Variants in S100Z observed in about 807,000 individuals in gnomAD.
The protein encoded by S100Z is protein S100-Z.
S100Z carries 11 observed loss-of-function variants against 8.5 expected under a neutral mutation model. That is an observed-to-expected ratio of 1.30 (90% CI 0.82 to 2.15). The LOEUF is 2.15. Among genes scored for constraint, S100Z ranks in the 30% most tolerant of loss-of-function variants. S100Z has a pLI of 0.00. For synonymous variants in S100Z, 34 were observed against 43.8 expected (o/e 0.78, Z 0.89); for missense variants, 126 against 117.9 (o/e 1.07, Z -0.32).
intron 2 of S100Z, among the ~76,000 whole-genome samples, chr5:76,871,046 A>G (rs1156497002): frequency 6.6e-6 from 1 of 152,186 alleles, no homozygotes; most frequent in Non-Finnish European, 1.5e-5. Context: ...AAACCTGAAC[A>G]ACTGAATTCC....
At chr5:76,947,192 C>T in the S100Z span, among the ~76,000 whole-genome samples, 1 of 151,562 alleles carries the variant, frequency 6.6e-6, no homozygotes, top group Non-Finnish European at 1.5e-5. Context: ...TTTAATCCCC[C>T]ACGTCCTGGC....
chr5:76,919,500 T>C (rs760164902), intron 4 of S100Z, among the ~76,000 whole-genome samples: 2 of 152,140 alleles, frequency 1.3e-5, no homozygotes, highest in Non-Finnish European at 2.9e-5. Context: ...GTGAGGTATC[T>C]GTTCAGGTCT....
chr5:76,910,038 C>T (rs983744741), intron 4 of S100Z, among the ~76,000 whole-genome samples: 4 of 152,194 alleles, frequency 2.6e-5, no homozygotes, highest in Non-Finnish European at 5.9e-5. Context: ...CCACTGGGAT[C>T]TCAACTCAGA....
chr5:76,932,643 C>T, the S100Z span, among the ~76,000 whole-genome samples: 152 of 152,286 alleles, frequency 1.0e-3, no homozygotes, highest in African/African-American at 3.4e-3. Flanking sequence ...TGTGATCCAC[C>T]GTGCCTGGCT....
intron 4 of S100Z, among the ~76,000 whole-genome samples, chr5:76,894,819 C>G (rs982751380): frequency 6.6e-6 from 1 of 151,982 alleles, no homozygotes; most frequent in African/African-American, 2.4e-5. Context: ...GAACCCCTGA[C>G]CTCAGGTGAT....
rs144877688 is a variant in S100Z, at chr5:76,857,248, C to A, written c.-176+7093C>A. On this transcript the variant is annotated intron_variant, in intron 1 of 4. Transcript: ENST00000317593. ...TGGAGGTTGCAGTGAGCCGAGATTG[C>A]GCCACTGCACTCCAGCCTGGGCAAC... 5.5e-3 allele frequency among the ~76,000 whole-genome samples: 837 copies of A among 151,946 alleles called. 9 individuals are homozygous for A. Among genetic ancestry groups the A allele is most frequent in the African/African-American group, 0.019 (786 of 41,416 alleles).
In S100Z at chr5:76,854,837, C is replaced by T. The variant is rs536710291; in HGVS notation, c.-176+4682C>T. 9.8e-5 allele frequency among the ~76,000 whole-genome samples: 15 copies of T among 152,378 alleles called. No homozygotes were observed. The East Asian group carries it at 2.9e-3, about 29-fold the overall frequency. On this transcript the variant is annotated intron_variant, in intron 1 of 4. Coordinates refer to ENST00000317593, the MANE Select transcript of S100Z (RefSeq NM_130772.4). ...ATATCTTCCAGGCAGCCCCTCCAAT[C>T]ACAGGCCCAAAGGCCTAGGAGGGAA...
chr5:76,950,534 T>G, the S100Z span, among the ~76,000 whole-genome samples: 5 of 152,076 alleles, frequency 3.3e-5, no homozygotes, highest in Non-Finnish European at 5.9e-5. Flanking sequence ...TATTCCTACC[T>G]AACAAAAAGA....
chr5:76,942,396 G>A, the S100Z span, among the ~76,000 whole-genome samples: 1 of 128,936 alleles, frequency 7.8e-6, no homozygotes, highest in East Asian at 2.5e-4. Flanking sequence ...ACAGACATGA[G>A]CCACCATACC....
intron 4 of S100Z, among the ~76,000 whole-genome samples, chr5:76,887,649 C>T (rs1334770610): frequency 2.0e-5 from 3 of 152,044 alleles, no homozygotes; most frequent in Non-Finnish European, 4.4e-5. Context: ...CCACCTGCCT[C>T]GGCCTCCCAG....
chr5:76,917,222 C>G (rs946817319), intron 4 of S100Z, among the ~76,000 whole-genome samples: 5 of 150,890 alleles, frequency 3.3e-5, no homozygotes, highest in African/African-American at 1.2e-4. Context: ...ACATGTGAAT[C>G]TATAATTGTT....
intron 4 of S100Z, among the ~76,000 whole-genome samples, chr5:76,892,298 A>C (rs1026492432): frequency 6.6e-6 from 1 of 151,962 alleles, no homozygotes; most frequent in African/African-American, 2.4e-5. Context: ...AGACCATCCT[A>C]CTCTTTCAAA....
chr5:76,927,749 C>T, the S100Z span, among the ~76,000 whole-genome samples: 6 of 152,342 alleles, frequency 3.9e-5, no homozygotes, highest in Middle Eastern at 3.4e-3. Context: ...GACTAACATT[C>T]ATTTAGGTCC....
chr5:76,876,259 A>G (rs923805171), intron 3 of S100Z, among the ~76,000 whole-genome samples: 1 of 152,078 alleles, frequency 6.6e-6, no homozygotes, highest in South Asian at 2.1e-4. Flanking sequence ...CCCACCCTCT[A>G]TTTGGGAAAA....
intron 4 of S100Z, among the ~76,000 whole-genome samples, chr5:76,880,932 C>T (rs1205179764): frequency 6.6e-6 from 1 of 152,100 alleles, no homozygotes; most frequent in African/African-American, 2.4e-5. Flanking sequence ...AAAGCAAAGC[C>T]AGCAATTGTT....
chr5:76,878,144 G>T, intron 4 of S100Z: 1 of 174,210 alleles, frequency 5.7e-6, no homozygotes, highest in Non-Finnish European at 1.2e-5. Context: ...CTTGAATTTG[G>T]CAAATTTCTA....
rs1742957450 is a variant in S100Z at position 76,870,185 on chromosome 5, G to A, written c.-156G>A. The A allele has an allele frequency of 6.6e-6, 1 of 152,114 alleles. No homozygotes were observed. Among genetic ancestry groups the A allele is most frequent in the Non-Finnish European group, 1.5e-5 (1 of 68,022 alleles). 9.4% of individuals were successfully genotyped at this position (152,114 alleles called of 1,614,324 possible). A position where few individuals can be genotyped will look rare whatever the true frequency, so the allele number is the denominator to read the frequency against. Reference sequence around the variant, plus strand: ...TGCCAGTGTAATTTCACAAGCCCCTGACTCTGTGTAGACACCCAGCTCTCC... The same window carrying A: ...TGCCAGTGTAATTTCACAAGCCCCTAACTCTGTGTAGACACCCAGCTCTCC... On this transcript the variant is annotated 5_prime_UTR_variant, in exon 2 of 5. Transcript: ENST00000317593.
chr5:76,952,360 C>T, the S100Z span, among the ~76,000 whole-genome samples: 93 of 152,314 alleles, frequency 6.1e-4, no homozygotes, highest in Non-Finnish European at 1.1e-3. Context: ...ATGTAAACAT[C>T]CAGGTCAAGT....
intron 3 of S100Z, 83 bp from the exon 4 acceptor site, chr5:76,877,591 A>T: frequency 1.2e-6 from 1 of 833,872 alleles, no homozygotes; most frequent in Non-Finnish European, 2.0e-6. Context: ...TTAGGAATTT[A>T]ATGTAAATAA....
Sources: gnomAD v4.1 joint callset for allele counts (sites outside exome capture counted in the v4.1 genomes callset) on GRCh38, gnomAD v4.1.1 for gene constraint, MANE v1.5 for transcripts, NCBI Gene and HGNC (gene_info 2026-07-23, HGNC 2026-07-21) for gene names.